ANKRD11: variants seen among roughly 807,000 people sequenced by gnomAD.
The protein encoded by ANKRD11 is ankyrin repeat domain 11, also known as ankyrin repeat domain-containing protein 11.
In ANKRD11, 17 loss-of-function variants were observed where a neutral mutation model predicts 195.7. The observed-to-expected ratio is 0.09, with a 90% confidence interval of 0.06 to 0.13. ANKRD11 has a LOEUF of 0.13. ANKRD11 is among the 10% of genes least tolerant of loss of function. ANKRD11 has a pLI of 1.00. For synonymous variants in ANKRD11, 1,953 were observed against 1,528.1 expected, an observed-to-expected ratio of 1.28 and a Z score of -6.49; for missense variants, 3,735 against 3,566.1, an observed-to-expected ratio of 1.05 and a Z score of -1.21.
chr16:89,301,634 G>A lies in ANKRD11; in HGVS notation c.226+3572C>T, dbSNP rs1242193489. The A allele has an allele frequency of 1.0e-5, 4 of 398,692 alleles. No homozygotes were observed. The highest frequency in any genetic ancestry group is 4.1e-5 in the African/African-American group (2 of 48,752). The allele number at this position is 398,692 out of a possible 1,614,324, so 24.7% of individuals were successfully genotyped here. ...GTCCTAGGACGGGCTCTTGCCCAGC[G>A]CTCTGGAAGACACAGAGGTGATGCT... is the stretch of plus-strand genomic sequence containing the variant. On this transcript the variant is annotated intron_variant, in intron 4 of 12. Transcript: ENST00000301030.
In ANKRD11 at chr16:89,283,606, C is replaced by T. The variant is rs1287797213; in HGVS notation, c.2936G>A (p.Cys979Tyr). The part of the protein sequence containing the change: ...EEAHREELKE[C>Y]GCESGFKDKS... ...GTCCTTGAAGCCACTCTCGCAGCCACACTCCTTCAGCTCCTCCCGGTGCGC... is the reference window on the plus strand; with the variant it reads ...GTCCTTGAAGCCACTCTCGCAGCCATACTCCTTCAGCTCCTCCCGGTGCGC... Residue 979 changes from cysteine to tyrosine, a missense_variant, in exon 9 of 13, where the codon TGT (cysteine) becomes TAT (tyrosine). Physicochemically the swap from Cys to Tyr is radical, Grantham distance 194. Transcript: ENST00000301030. This position sits in a 1 kb window ranked among gnomAD's most constrained non-coding sequence, Gnocchi z 4.3. 9 of 1,609,984 alleles carry T rather than the reference C, an allele frequency of 5.6e-6. No individual in the cohort carries two copies. Among genetic ancestry groups the T allele is most frequent in the Admixed American group, 5.0e-5 (3 of 60,000 alleles).
chr16:89,284,859 C>T lies in ANKRD11; in HGVS notation c.1683G>A (p.Glu561=), dbSNP rs2034534485. 3 of 1,614,012 alleles carry T rather than the reference C, an allele frequency of 1.9e-6. No individual in the cohort carries two copies. Among genetic ancestry groups the T allele is most frequent in the Non-Finnish European group, 2.5e-6 (3 of 1,180,036 alleles). ...TTGTGGAGTCTGATAAAGAACTGACCTCTGACCAAGCCGGGGAAGAAATGG... is the reference window on the plus strand; with the variant it reads ...TTGTGGAGTCTGATAAAGAACTGACTTCTGACCAAGCCGGGGAAGAAATGG... The part of the protein sequence containing the change: ...WKTISSPAWS[E]VSSLSDSTRT... Residue 561 remains glutamate, a synonymous_variant, in exon 9 of 13, where the codon GAG becomes GAA. Transcript: ENST00000301030.
At chr16:89,386,401 C>T (rs1170657548) in intron 2 of ANKRD11, among the ~76,000 whole-genome samples, 1 of 152,178 alleles carries the variant, frequency 6.6e-6, no homozygotes, top group East Asian at 1.9e-4. Context: ...TGCTGCCCCA[C>T]CCTTTACCCA....
chr16:89,374,088 G>A (rs938014536), intron 2 of ANKRD11, among the ~76,000 whole-genome samples: 9 of 152,188 alleles, frequency 5.9e-5, no homozygotes, highest in Non-Finnish European at 1.2e-4. Context: ...GTGTTAACCC[G>A]AGACAAAAAT....
In ANKRD11 at chr16:89,464,604, T is replaced by C. The variant is rs1366990176; in HGVS notation, c.-145+25641A>G. On this transcript the variant is annotated intron_variant, in intron 1 of 12. Coordinates refer to ENST00000301030, the MANE Select transcript of ANKRD11 (RefSeq NM_013275.6). ...GCCTGGGCGACAGAGTGAGACTCCA[T>C]CTTAAAAAAAAAAAAAAAAGAAAAG... is the stretch of plus-strand genomic sequence containing the variant. Among the ~76,000 whole-genome samples the C allele has an allele frequency of 2.1e-5, 2 of 95,886 alleles. 1 individual carries two copies. Among genetic ancestry groups the C allele is most frequent in the Admixed American group, 2.5e-4 (2 of 7,954 alleles). 62.9% of individuals were successfully genotyped at this position (95,886 alleles called of 152,430 possible). A position where few individuals can be genotyped will look rare whatever the true frequency, so the allele number is the denominator to read the frequency against.
At chr16:89,452,905 G>A (rs1298663946) in intron 1 of ANKRD11, among the ~76,000 whole-genome samples, 2 of 151,516 alleles carry the variant, frequency 1.3e-5, no homozygotes, top group African/African-American at 2.4e-5. Flanking sequence ...GCACACGCCC[G>A]CTTTTTCATA....
intron 2 of ANKRD11, among the ~76,000 whole-genome samples, chr16:89,336,499 A>G (rs1056076293): frequency 1.3e-5 from 2 of 152,260 alleles, no homozygotes; most frequent in Non-Finnish European, 2.9e-5. Flanking sequence ...CTCCTGTAGC[A>G]GGACATTGCC....
intron 1 of ANKRD11, among the ~76,000 whole-genome samples, chr16:89,426,089 C>T (rs2042703985): frequency 6.6e-6 from 1 of 152,148 alleles, no homozygotes; most frequent in African/African-American, 2.4e-5. Flanking sequence ...GGCAGGAGAA[C>T]CTTCAGTCCT....
chr16:89,297,271 C>T (rs909947460), intron 4 of ANKRD11, among the ~76,000 whole-genome samples: 2 of 152,218 alleles, frequency 1.3e-5, no homozygotes, highest in East Asian at 3.8e-4. Flanking sequence ...TGCGTCCCAC[C>T]GTAAAACTCG....
chr16:89,441,579 A>C (rs939868043), intron 1 of ANKRD11, among the ~76,000 whole-genome samples: 3 of 151,928 alleles, frequency 2.0e-5, no homozygotes, highest in Non-Finnish European at 2.9e-5. Flanking sequence ...CATCCTGGCT[A>C]ACATGGTAAA....
At chr16:89,468,790 A>G (rs896042802) in intron 1 of ANKRD11, among the ~76,000 whole-genome samples, 1 of 152,202 alleles carries the variant, frequency 6.6e-6, no homozygotes, top group African/African-American at 2.4e-5. Context: ...CCCAATGGCC[A>G]GCCTGCTGGA....
At chr16:89,474,591 T>G (rs1036971763) in intron 1 of ANKRD11, among the ~76,000 whole-genome samples, 1 of 152,144 alleles carries the variant, frequency 6.6e-6, no homozygotes, top group South Asian at 2.1e-4. Context: ...GCAGCACAGG[T>G]CACTCTTCAG....
intron 2 of ANKRD11, among the ~76,000 whole-genome samples, chr16:89,320,945 G>A (rs943248635): frequency 2.6e-5 from 4 of 152,334 alleles, no homozygotes; most frequent in East Asian, 3.9e-4. Context: ...CAGGAACAAC[G>A]ATGGCCTGCT....
rs183051037 is a variant in ANKRD11 at position 89,455,519 on chromosome 16, C to T, written c.-145+34726G>A. ...TCACTGAAAACAGCCCCAAAACTCA[C>T]TCCTTCCAACACTGCATGAGTAAGC... On this transcript the variant is annotated intron_variant, in intron 1 of 12. Transcript: ENST00000301030. Among the ~76,000 whole-genome samples, 197 of 152,266 alleles carry T rather than the reference C, an allele frequency of 1.3e-3. 1 individual carries two copies. The highest frequency in any genetic ancestry group is 4.5e-3 in the African/African-American group (189 of 41,540).
chr16:89,396,562 A>G (rs1178090845), intron 2 of ANKRD11, among the ~76,000 whole-genome samples: 2 of 152,120 alleles, frequency 1.3e-5, no homozygotes, highest in African/African-American at 4.8e-5. Context: ...TACTTCAACT[A>G]GAACAACATA....
rs1259844095 is a variant in ANKRD11 at position 89,291,726 on chromosome 16, C to T, written c.227-543G>A. ...ACCTCCATCTCATGCCATGGTGCTT[C>T]GAGGAGCGTACCAGCCTTGCAGCAC... On this transcript the variant is annotated intron_variant, in intron 4 of 12. Coordinates refer to ENST00000301030, the MANE Select transcript of ANKRD11 (RefSeq NM_013275.6). This position sits in a 1 kb window ranked among gnomAD's most constrained non-coding sequence, Gnocchi z 5.3. 6 of 1,289,752 alleles carry T rather than the reference C, an allele frequency of 4.7e-6. No homozygotes were observed. Among genetic ancestry groups the T allele is most frequent in the East Asian group, 5.5e-5 (1 of 18,030 alleles). 79.9% of individuals were successfully genotyped at this position (1,289,752 alleles called of 1,614,324 possible).
chr16:89,327,411 G>A (rs1405826893), intron 2 of ANKRD11, among the ~76,000 whole-genome samples: 3 of 152,132 alleles, frequency 2.0e-5, no homozygotes, highest in Non-Finnish European at 4.4e-5. Context: ...GGGCAGAAAG[G>A]AAGAAATGGA....
intron 2 of ANKRD11, among the ~76,000 whole-genome samples, chr16:89,351,115 A>G (rs1225734575): frequency 6.6e-6 from 1 of 152,216 alleles, no homozygotes; most frequent in East Asian, 1.9e-4. Flanking sequence ...AGAAGCTCTC[A>G]GAGAGAATGC....
chr16:89,386,297 T>G (rs927525256), intron 2 of ANKRD11, among the ~76,000 whole-genome samples: 12 of 152,158 alleles, frequency 7.9e-5, no homozygotes, highest in Admixed American at 7.9e-4. Flanking sequence ...AAAGCTTGAT[T>G]ATTAAGACAG....
Sources: allele counts gnomAD v4.1 joint callset (sites outside exome capture counted in the v4.1 genomes callset), GRCh38; gene constraint gnomAD v4.1.1; non-coding constraint Gnocchi (gnomAD v3.1); transcripts MANE v1.5; gene names NCBI Gene and HGNC (gene_info 2026-07-23, HGNC 2026-07-21).